ZBTB8OS: variants seen among roughly 807,000 people sequenced by gnomAD.
ZBTB8OS encodes tRNA splicing ligase complex subunit 1.
A neutral mutation model predicts 29.3 loss-of-function variants in ZBTB8OS; 16 were observed. That is an observed-to-expected ratio of 0.55 (90% CI 0.37 to 0.83). ZBTB8OS has a LOEUF of 0.83. Ranked by LOEUF, ZBTB8OS falls within the 40% of genes least tolerant of loss-of-function variation. The probability of loss-of-function intolerance (pLI) is 0.00; values close to 1 mark genes in which losing one functional copy is unlikely to be tolerated. For synonymous variants in ZBTB8OS, 70 were observed against 64.6 expected, an observed-to-expected ratio of 1.08 and a Z score of -0.40; for missense variants, 160 against 196.9, an observed-to-expected ratio of 0.81 and a Z score of 1.12.
intron 1 of ZBTB8OS, among the ~76,000 whole-genome samples, chr1:32,649,257 C>T (rs1343721875): frequency 3.3e-5 from 5 of 151,938 alleles, no homozygotes; most frequent in Non-Finnish European, 5.9e-5. Context: ...TGTGAGCCAC[C>T]GCAAACGGCC....
intron 4 of ZBTB8OS, 114 bp from the exon 5 acceptor site, chr1:32,631,993 T>C (rs1250035253): frequency 3.5e-5 from 3 of 84,548 alleles, no homozygotes; most frequent in South Asian, 7.4e-4. Flanking sequence ...TGGTAAAACC[T>C]TTTTTTTTTT....
intron 6 of ZBTB8OS, among the ~76,000 whole-genome samples, chr1:32,627,039 T>TC (rs1491195250): frequency 6.6e-6 from 1 of 152,220 alleles, no homozygotes; most frequent in African/African-American, 2.4e-5. Flanking sequence ...TAGCTGCTCT[T>TC]CTGTCATTCT....
At chr1:32,649,556 G>T (rs1647124583) in intron 1 of ZBTB8OS, among the ~76,000 whole-genome samples, 1 of 151,834 alleles carries the variant, frequency 6.6e-6, no homozygotes, top group Admixed American at 6.6e-5. Context: ...GGCAAAACCA[G>T]CTGGGCACTG....
chr1:32,641,265 G>GTTTT (rs1160526101), intron 1 of ZBTB8OS, among the ~76,000 whole-genome samples: 5 of 97,266 alleles, frequency 5.1e-5, no homozygotes, highest in Admixed American at 1.2e-4. Flanking sequence ...AATTACACAA[G>GTTTT]TTTTTTTTTT....
intron 1 of ZBTB8OS, among the ~76,000 whole-genome samples, chr1:32,646,451 A>T (rs562069752): frequency 6.6e-6 from 1 of 151,426 alleles, no homozygotes. Flanking sequence ...GCAGTGGTGC[A>T]ATCTCGGCTC....
intron 5 of ZBTB8OS, among the ~76,000 whole-genome samples, chr1:32,630,727 G>A (rs915766457): frequency 7.2e-5 from 11 of 151,944 alleles, no homozygotes; most frequent in African/African-American, 2.7e-4. Context: ...AAAAATAAAT[G>A]AGGCCGGGCA....
chr1:32,643,070 C>CTT (rs71006346), intron 1 of ZBTB8OS, among the ~76,000 whole-genome samples: 5,100 of 107,452 alleles, frequency 0.047, 301 homozygotes, highest in East Asian at 0.18. Context: ...CGTGCCTGGC[C>CTT]TTTTTTTTTT....
upstream of ZBTB8OS, chr1:32,650,733 T>G (rs1342493779): frequency 6.1e-6 from 5 of 821,684 alleles, no homozygotes; most frequent in Non-Finnish European, 9.4e-6. Flanking sequence ...TCTTCTGCGA[T>G]TCCTTCATTA....
At chr1:32,650,338 T>TG in intron 1 of ZBTB8OS, 95 bp downstream of exon 1, 2 of 1,501,380 alleles carry the variant, frequency 1.3e-6, no homozygotes, top group Non-Finnish European at 1.8e-6. Context: ...GAAGTACCCA[T>TG]GGGGCACAGT....
At chr1:32,645,777 G>A (rs1423785972) in intron 1 of ZBTB8OS, among the ~76,000 whole-genome samples, 3 of 152,000 alleles carry the variant, frequency 2.0e-5, no homozygotes, top group Admixed American at 1.3e-4. Flanking sequence ...ACTACAGGCT[G>A]GGGCCAGTTT....
chr1:32,644,531 T>C (rs1321456151), intron 1 of ZBTB8OS, among the ~76,000 whole-genome samples: 3 of 145,670 alleles, frequency 2.1e-5, no homozygotes, highest in African/African-American at 8.2e-5. Flanking sequence ...TCTTTTCTTT[T>C]TCCTTTTTTT....
intron 6 of ZBTB8OS, among the ~76,000 whole-genome samples, chr1:32,625,849 GTC>G (rs1294063594): frequency 6.6e-6 from 1 of 151,960 alleles, no homozygotes; most frequent in Non-Finnish European, 1.5e-5. Flanking sequence ...TATGATGGTG[GTC>G]TGAGAAGATT....
chr1:32,627,958 T>C (rs1645241129), intron 5 of ZBTB8OS: 2 of 170,890 alleles, frequency 1.2e-5, no homozygotes, highest in Admixed American at 6.1e-5. Flanking sequence ...GGCAGGAAGA[T>C]TGCTTGAGCC....
chr1:32,631,891 G>C lies in ZBTB8OS; in HGVS notation c.328-12C>G, dbSNP rs1645584932. 8 of 1,405,654 alleles carry C rather than the reference G, an allele frequency of 5.7e-6. No individual in the cohort carries two copies. Among genetic ancestry groups the C allele is most frequent in the Non-Finnish European group, 7.5e-6 (8 of 1,061,374 alleles). The allele number at this position is 1,405,654 out of a possible 1,614,324, so 87.1% of individuals were successfully genotyped here. On this transcript the variant is annotated splice_polypyrimidine_tract_variant and intron_variant, in intron 4 of 6. Transcript: ENST00000468695. ...AGTACTTTCACTTCCTAGACAGGAA[G>C]AAAAATTTTTTAATTAAAAAAAGTT...
upstream of ZBTB8OS, chr1:32,650,919 T>C: frequency 2.2e-6 from 1 of 462,704 alleles, no homozygotes; most frequent in Admixed American, 4.1e-5. Context: ...TTAATAGCCT[T>C]CAAGAAAATG....
intron 4 of ZBTB8OS, chr1:32,632,444 TCAC>T (rs1645641233): frequency 6.6e-6 from 1 of 152,202 alleles, no homozygotes; most frequent in Non-Finnish European, 1.5e-5. Flanking sequence ...AGACAAGGTT[TCAC>T]TCTGTTGCCC....
intron 3 of ZBTB8OS, 54 bp from the exon 4 acceptor site, chr1:32,633,781 G>A: frequency 6.7e-7 from 1 of 1,488,916 alleles, no homozygotes; most frequent in South Asian, 1.2e-5. Context: ...AAACATACTT[G>A]AATTTAAAAG....
At position 32,649,665 on chromosome 1, in the gene ZBTB8OS, CACATT is replaced by C. The variant is rs771923257; in HGVS notation, c.97+763_97+767del. 3.6e-5 allele frequency among the ~76,000 whole-genome samples: 5 copies of C among 139,376 alleles called. No individual in the cohort carries two copies. The East Asian group carries it at 7.9e-4, about 22-fold the overall frequency. The allele number at this position is 139,376 out of a possible 152,430, so 91.4% of individuals were successfully genotyped here. The stretch of plus-strand genomic sequence containing the variant: ...ACACACACACACACACACACACACA[CACATT>C]TTTTTTTTTTTTTGAGACAGAGTTT... On this transcript the variant is annotated intron_variant, in intron 1 of 6. Coordinates refer to ENST00000468695, the MANE Select transcript of ZBTB8OS (RefSeq NM_178547.5).
intron 6 of ZBTB8OS, among the ~76,000 whole-genome samples, chr1:32,626,023 C>A (rs1313402129): frequency 6.6e-6 from 1 of 152,020 alleles, no homozygotes; most frequent in African/African-American, 2.4e-5. Flanking sequence ...CAAGCGCCCG[C>A]CACCGCACCC....
Sources: gnomAD v4.1 joint callset for allele counts (sites outside exome capture counted in the v4.1 genomes callset) on GRCh38, gnomAD v4.1.1 for gene constraint, MANE v1.5 for transcripts, NCBI Gene and HGNC (gene_info 2026-07-23, HGNC 2026-07-21) for gene names.